SSPN: variants seen among roughly 807,000 people sequenced by gnomAD.
SSPN encodes the protein sarcospan.
A neutral mutation model predicts 19.1 loss-of-function variants in SSPN; 15 were observed. The ratio of observed to expected loss-of-function variants is 0.78; its 90% CI spans 0.52 to 1.21. The LOEUF (loss-of-function observed/expected upper bound fraction) is 1.21, where lower values mean the gene tolerates loss of function less well. SSPN is among the 50% of genes most tolerant of loss of function. SSPN has a pLI of 0.00. For synonymous variants in SSPN, 147 were observed against 140.3 expected, an observed-to-expected ratio of 1.05 and a Z score of -0.34; for missense variants, 291 against 314.0, an observed-to-expected ratio of 0.93 and a Z score of 0.55.
chr12:26,231,029 A>C lies in SSPN; in HGVS notation c.685A>C (p.Arg229=), dbSNP rs1278235855. The C allele has an allele frequency of 6.2e-7, 1 of 1,614,240 alleles. No homozygotes were observed. The highest frequency in any genetic ancestry group is 8.5e-7 in the Non-Finnish European group (1 of 1,180,046). ...HRYQVFYVGV[R]ICSLTASEGP... is the part of the protein sequence containing the mutation. ...GTACCAGGTCTTCTATGTGGGTGTCAGGATATGCTCCCTCACGGCTTCCGA... is the reference window on the plus strand; with the variant it reads ...GTACCAGGTCTTCTATGTGGGTGTCCGGATATGCTCCCTCACGGCTTCCGA... The change falls in exon 3 of 3, where the codon AGG becomes CGG. Residue 229 remains arginine (R), a synonymous_variant. Transcript: ENST00000242729.
Position 26,232,650 on chromosome 12 carries a change from A to G in SSPN, c.*1574A>G, listed in dbSNP as rs1335771022. 1 of 985,144 alleles carries G rather than the reference A, an allele frequency of 1.0e-6. No individual in the cohort carries two copies. The highest frequency in any genetic ancestry group is 1.1e-4 in the East Asian group (1 of 8,830). The allele number at this position is 985,144 out of a possible 1,614,324, so 61.0% of individuals were successfully genotyped here. ...TTGTGATAATGGTTTCAATTTCTAC[A>G]CAATATAAATATCCAGTATAAAGGA... On this transcript the variant is annotated 3_prime_UTR_variant, in exon 3 of 3. Coordinates refer to ENST00000242729, the MANE Select transcript of SSPN (RefSeq NM_005086.5).
intron 1 of SSPN, among the ~76,000 whole-genome samples, chr12:26,174,555 C>T (rs1322633277): frequency 2.2e-5 from 2 of 89,670 alleles, no homozygotes; most frequent in African/African-American, 1.1e-4. Context: ...GAATCTCACT[C>T]TATTGCCCAT....
intron 1 of SSPN, among the ~76,000 whole-genome samples, chr12:26,167,646 C>CG (rs1944629294): frequency 6.6e-6 from 1 of 152,200 alleles, no homozygotes; most frequent in Non-Finnish European, 1.5e-5. Context: ...TTACCATCTG[C>CG]GTAGACCGCA....
intron 1 of SSPN, chr12:26,211,693 A>G (rs1944988030): frequency 6.6e-6 from 1 of 152,214 alleles, no homozygotes; most frequent in Admixed American, 6.5e-5. Flanking sequence ...CATAGGAGAT[A>G]CAAGTGAACA....
chr12:26,142,963 T>G (rs765387953), intron 1 of SSPN, among the ~76,000 whole-genome samples: 52 of 152,360 alleles, frequency 3.4e-4, no homozygotes, highest in Middle Eastern at 3.4e-3. Context: ...TGTACCTGTA[T>G]TATGATGATT....
chr12:26,207,318 T>C (rs1944939627), intron 1 of SSPN, among the ~76,000 whole-genome samples: 1 of 152,120 alleles, frequency 6.6e-6, no homozygotes. Context: ...AAATAATGCA[T>C]AATAACATAG....
At chr12:26,145,818 G>A (rs1944486933) in intron 1 of SSPN, among the ~76,000 whole-genome samples, 1 of 152,186 alleles carries the variant, frequency 6.6e-6, no homozygotes, top group Non-Finnish European at 1.5e-5. Context: ...TTAGGAGCTA[G>A]GATGGAGAAG....
At chr12:26,179,396 T>A (rs866707548) in intron 1 of SSPN, among the ~76,000 whole-genome samples, 1 of 152,138 alleles carries the variant, frequency 6.6e-6, no homozygotes, top group Non-Finnish European at 1.5e-5. Context: ...TCACTCAAAC[T>A]GATGGATTTG....
At chr12:26,194,831 A>T (rs2137455130), upstream of SSPN, among the ~76,000 whole-genome samples, 1 of 152,266 alleles carries the variant, frequency 6.6e-6, no homozygotes, top group South Asian at 2.1e-4. Context: ...TATGAAAAAA[A>T]TTTTAAAAAA....
At chr12:26,158,681 C>A (rs1293849401) in intron 1 of SSPN, among the ~76,000 whole-genome samples, 3 of 152,256 alleles carry the variant, frequency 2.0e-5, no homozygotes, top group African/African-American at 7.2e-5. Context: ...ACACACACAG[C>A]TGAGGTGCCT....
In SSPN at chr12:26,195,818, G is replaced by T. The variant is rs1944823303; in HGVS notation, c.146G>T (p.Gly49Val). ...CGEEEPRTCCGCRFPLLLALL... is the reference protein window; with the variant it reads ...CGEEEPRTCCVCRFPLLLALL... ...GAGGAGGAGCCCCGGACCTGCTGCG[G>T]CTGCCGGTTCCCGCTGCTGCTCGCC... The change falls in exon 1 of 3, where the codon GGC (glycine) becomes GTC (valine). Residue 49 changes from glycine (G) to valine (V), a missense_variant. Gly to Val is a moderately radical substitution (Grantham distance 109). Transcript: ENST00000242729. 2 of 1,537,796 alleles carry T rather than the reference G, an allele frequency of 1.3e-6. No homozygotes were observed. The highest frequency in any genetic ancestry group is 5.1e-5 in the East Asian group (2 of 39,434).
chr12:26,172,284 T>C (rs1227848472), intron 1 of SSPN, among the ~76,000 whole-genome samples: 6 of 152,192 alleles, frequency 3.9e-5, no homozygotes, highest in Non-Finnish European at 8.8e-5. Flanking sequence ...ATGGTAAAAA[T>C]GTTGAATATT....
chr12:26,143,325 T>A (rs1269825078), intron 1 of SSPN, among the ~76,000 whole-genome samples: 1 of 152,234 alleles, frequency 6.6e-6, no homozygotes, highest in Non-Finnish European at 1.5e-5. Context: ...AATAGCGTGC[T>A]TATTATGTTC....
At chr12:26,221,315 G>A (rs760876079) in intron 1 of SSPN, among the ~76,000 whole-genome samples, 1 of 152,046 alleles carries the variant, frequency 6.6e-6, no homozygotes, top group Non-Finnish European at 1.5e-5. Context: ...TTCCTTCTGG[G>A]TATTCCTATA....
intron 1 of SSPN, among the ~76,000 whole-genome samples, chr12:26,216,180 C>T (rs1945047235): frequency 6.6e-6 from 1 of 152,100 alleles, no homozygotes; most frequent in Admixed American, 6.6e-5. Context: ...ACTCTGGACC[C>T]CTAACCATTT....
At chr12:26,156,228 A>G (rs541385349) in intron 1 of SSPN, among the ~76,000 whole-genome samples, 1 of 152,298 alleles carries the variant, frequency 6.6e-6, no homozygotes, top group Admixed American at 6.5e-5. Context: ...ATGAGGAGAT[A>G]CAAGTTCAGA....
At chr12:26,125,366 AC>A in intron 1 of SSPN, 1 of 225,224 alleles carries the variant, frequency 4.4e-6, no homozygotes, top group South Asian at 7.1e-5. Context: ...GTCCGTTGTT[AC>A]GGTGCAGGAA....
intron 1 of SSPN, among the ~76,000 whole-genome samples, chr12:26,136,336 G>T (rs1944424965): frequency 1.3e-5 from 2 of 152,178 alleles, no homozygotes; most frequent in Non-Finnish European, 1.5e-5. Context: ...TGTGTATGGT[G>T]GCAGAGTTGG....
chr12:26,153,977 G>T (rs1054118360), intron 1 of SSPN, among the ~76,000 whole-genome samples: 1 of 152,208 alleles, frequency 6.6e-6, no homozygotes, highest in African/African-American at 2.4e-5. Flanking sequence ...CTCAATGAAA[G>T]AACTCAGTCA....
Sources: gnomAD v4.1 joint callset for allele counts (sites outside exome capture counted in the v4.1 genomes callset) on GRCh38, gnomAD v4.1.1 for gene constraint, MANE v1.5 for transcripts, NCBI Gene and HGNC (gene_info 2026-07-23, HGNC 2026-07-21) for gene names.